The following CADM1 variants were observed in gnomAD, a reference collection of about 807,000 sequenced individuals.
The protein encoded by CADM1 is TSLC-1.
A neutral mutation model predicts 53.1 loss-of-function variants in CADM1; 15 were observed. The ratio of observed to expected loss-of-function variants is 0.28; its 90% CI spans 0.19 to 0.44. The LOEUF (loss-of-function observed/expected upper bound fraction) is 0.44. CADM1 is among the 20% of genes least tolerant of loss of function. CADM1 has a pLI of 1.00. For missense variants in CADM1, 434 were observed against 611.3 expected, an observed-to-expected ratio of 0.71 and a Z score of 3.06; for synonymous variants, 281 against 243.0, an observed-to-expected ratio of 1.16 and a Z score of -1.45.
chr11:115,298,845 T>C (rs1353849964), intron 1 of CADM1, among the ~76,000 whole-genome samples: 1 of 152,212 alleles, frequency 6.6e-6, no homozygotes, highest in East Asian at 1.9e-4. Flanking sequence ...CCTTCTCGGT[T>C]ACAGTGGTTC....
chr11:115,454,004 T>G (rs958357537), intron 1 of CADM1, among the ~76,000 whole-genome samples: 1 of 151,124 alleles, frequency 6.6e-6, no homozygotes, highest in Admixed American at 6.6e-5. Context: ...AGAATAGAGA[T>G]GAAAGAGAAG....
intron 7 of CADM1, among the ~76,000 whole-genome samples, chr11:115,211,177 A>G (rs1222499607): frequency 7.8e-6 from 1 of 128,808 alleles, no homozygotes; most frequent in African/African-American, 2.5e-5. Context: ...CACACTTTTT[A>G]TGGAGGCCAC....
chr11:115,317,715 C>G (rs1010333226), intron 1 of CADM1, among the ~76,000 whole-genome samples: 9 of 152,178 alleles, frequency 5.9e-5, no homozygotes, highest in Non-Finnish European at 4.4e-5. Context: ...TGGCATGAAG[C>G]TGCAAGATGG....
intron 9 of CADM1, among the ~76,000 whole-genome samples, chr11:115,194,861 C>G (rs551252808): frequency 8.5e-5 from 13 of 152,308 alleles, no homozygotes; most frequent in African/African-American, 2.9e-4. Context: ...GCACAAGACA[C>G]AGAAGCGCCC....
intron 1 of CADM1, among the ~76,000 whole-genome samples, chr11:115,353,804 G>A (rs1945796133): frequency 6.6e-6 from 1 of 152,136 alleles, no homozygotes; most frequent in South Asian, 2.1e-4. Flanking sequence ...TGATTGGTAG[G>A]ATGGGATTTG....
chr11:115,423,669 T>C (rs1355078352), intron 1 of CADM1, among the ~76,000 whole-genome samples: 1 of 152,188 alleles, frequency 6.6e-6, no homozygotes, highest in Non-Finnish European at 1.5e-5. Flanking sequence ...TTAGGTAATA[T>C]TGATTTAAGT....
intron 1 of CADM1, among the ~76,000 whole-genome samples, chr11:115,413,411 A>T (rs1034061057): frequency 6.6e-6 from 1 of 152,156 alleles, no homozygotes; most frequent in South Asian, 2.1e-4. Flanking sequence ...CAAAAATCAA[A>T]TCACAATAAC....
chr11:115,241,824 G>C (rs1054680102), intron 1 of CADM1, among the ~76,000 whole-genome samples: 2 of 151,972 alleles, frequency 1.3e-5, no homozygotes, highest in Non-Finnish European at 2.9e-5. Context: ...CAGATTATTT[G>C]CTCCTTAAAA....
intron 1 of CADM1, among the ~76,000 whole-genome samples, chr11:115,297,740 T>G (rs1024367728): frequency 6.6e-6 from 1 of 152,196 alleles, no homozygotes; most frequent in African/African-American, 2.4e-5. Flanking sequence ...ACACAAACTG[T>G]AAGCACCAAA....
At chr11:115,244,653 C>T (rs960546512) in intron 1 of CADM1, among the ~76,000 whole-genome samples, 26 of 152,188 alleles carry the variant, frequency 1.7e-4, no homozygotes, top group Admixed American at 4.6e-4. Flanking sequence ...TCAGATTCTC[C>T]GGCCCACACA....
chr11:115,386,609 C>T (rs963210434), intron 1 of CADM1, among the ~76,000 whole-genome samples: 6 of 141,396 alleles, frequency 4.2e-5, no homozygotes, highest in East Asian at 4.3e-4. Context: ...ATCTCTCTTC[C>T]GCTTCTTATA....
chr11:115,198,542 G>A, intron 8 of CADM1, 104 bp from the exon 9 acceptor site: 2 of 824,042 alleles, frequency 2.4e-6, no homozygotes, highest in Non-Finnish European at 4.0e-6. Flanking sequence ...ATATGAGCAA[G>A]CTTTCAAAGA....
At chr11:115,339,046 TC>T (rs796522826) in intron 1 of CADM1, among the ~76,000 whole-genome samples, 1,268 of 41,392 alleles carry the variant, frequency 0.031, 31 homozygotes, top group Middle Eastern at 0.11. Context: ...CCCTCCCCCC[TC>T]CCCCGACCCC....
intron 1 of CADM1, among the ~76,000 whole-genome samples, chr11:115,354,174 G>A (rs769833301): frequency 3.3e-5 from 5 of 152,218 alleles, no homozygotes; most frequent in Middle Eastern, 3.4e-3. Context: ...AAGGTGAACT[G>A]ATTAAAAGAT....
intron 1 of CADM1, among the ~76,000 whole-genome samples, chr11:115,376,487 T>G (rs1946441591): frequency 6.6e-6 from 1 of 151,822 alleles, no homozygotes; most frequent in Middle Eastern, 3.2e-3. Context: ...AAAAGAGAGG[T>G]ATGGCATAGT....
chr11:115,474,490 C>T (rs959358034), intron 1 of CADM1, among the ~76,000 whole-genome samples: 4 of 151,528 alleles, frequency 2.6e-5, no homozygotes, highest in Admixed American at 1.3e-4. Flanking sequence ...AAATGTGGCA[C>T]ATATACACCA....
intron 1 of CADM1, among the ~76,000 whole-genome samples, chr11:115,459,517 G>A (rs1264248113): frequency 6.6e-6 from 1 of 152,122 alleles, no homozygotes; most frequent in Non-Finnish European, 1.5e-5. Context: ...TTCCCAGAGA[G>A]AGAGAGAGAA....
intron 1 of CADM1, among the ~76,000 whole-genome samples, chr11:115,302,152 AG>A (rs1286552111): frequency 6.6e-6 from 1 of 151,894 alleles, no homozygotes; most frequent in African/African-American, 2.4e-5. Context: ...GGCCTATTGG[AG>A]GGGGAAGGGT....
chr11:115,247,495 G>C (rs532163544), intron 1 of CADM1, among the ~76,000 whole-genome samples: 153 of 152,296 alleles, frequency 1.0e-3, no homozygotes, highest in African/African-American at 3.6e-3. Flanking sequence ...CCTTTGAAAG[G>C]TCTGCAGGGA....
Sources: gnomAD v4.1 joint callset for allele counts (sites outside exome capture counted in the v4.1 genomes callset) on GRCh38, gnomAD v4.1.1 for gene constraint, MANE v1.5 for transcripts, NCBI Gene and HGNC (gene_info 2026-07-23, HGNC 2026-07-21) for gene names.